Variants in GRK3 observed in about 807,000 individuals in gnomAD.
GRK3 encodes G protein-coupled receptor kinase 3.
GRK3 carries 54 observed loss-of-function variants against 95.7 expected under a neutral mutation model. The observed-to-expected ratio is 0.56, with a 90% CI of 0.45 to 0.71. The LOEUF is 0.71. GRK3 is among the 30% of genes least tolerant of loss of function. The probability of loss-of-function intolerance (pLI) is 0.00; values close to 1 mark genes in which losing one functional copy is unlikely to be tolerated. For synonymous variants in GRK3, 281 were observed against 290.8 expected (o/e 0.97, Z 0.34); for missense variants, 649 against 851.2 (o/e 0.76, Z 2.96).
chr22:25,685,362 C>A, intron 10 of GRK3, 114 bp downstream of exon 10: 2 of 813,728 alleles, frequency 2.5e-6, no homozygotes, highest in Non-Finnish European at 4.2e-6. Flanking sequence ...TAATTAGGTT[C>A]CCCCTGAAGT....
chr22:25,643,407 T>G (rs2084757669), intron 2 of GRK3, among the ~76,000 whole-genome samples: 5 of 152,242 alleles, frequency 3.3e-5, no homozygotes, highest in Admixed American at 3.3e-4. Flanking sequence ...GGGGAATTTA[T>G]GGATCAGTTA....
intron 9 of GRK3, among the ~76,000 whole-genome samples, chr22:25,682,859 C>G (rs534271204): frequency 2.0e-5 from 3 of 152,356 alleles, no homozygotes; most frequent in Admixed American, 2.0e-4. Flanking sequence ...AACTTAACTA[C>G]TACCCAGATT....
intron 8 of GRK3, among the ~76,000 whole-genome samples, chr22:25,677,377 T>TAAAAAAAAAAAAAA (rs376997700): frequency 2.4e-5 from 1 of 42,552 alleles, no homozygotes; most frequent in African/African-American, 1.0e-4. Flanking sequence ...CCCCATATCT[T>TAAAAAAAAAAAAAA]AAAAAAAAAA....
At chr22:25,611,157 C>T (rs564732384) in intron 2 of GRK3, among the ~76,000 whole-genome samples, 17 of 152,256 alleles carry the variant, frequency 1.1e-4, no homozygotes, top group South Asian at 4.1e-4. Flanking sequence ...CCACGGTGTC[C>T]GGCCTACAGA....
chr22:25,600,807 G>A (rs1241325877), intron 1 of GRK3, among the ~76,000 whole-genome samples: 1 of 152,018 alleles, frequency 6.6e-6, no homozygotes, highest in Non-Finnish European at 1.5e-5. Context: ...AATCCTTAAA[G>A]GTAAAAAGAT....
intron 2 of GRK3, among the ~76,000 whole-genome samples, chr22:25,624,303 C>T (rs559907040): frequency 1.3e-5 from 2 of 152,224 alleles, no homozygotes; most frequent in East Asian, 1.9e-4. Flanking sequence ...GTGGCTCACT[C>T]CTGTAATCCC....
At chr22:25,596,015 GA>G (rs1465720898) in intron 1 of GRK3, among the ~76,000 whole-genome samples, 1 of 152,124 alleles carries the variant, frequency 6.6e-6, no homozygotes, top group Non-Finnish European at 1.5e-5. Context: ...CTACTTCAAG[GA>G]AGATGATTAC....
chr22:25,613,412 A>G (rs2084513507), intron 2 of GRK3, among the ~76,000 whole-genome samples: 1 of 144,276 alleles, frequency 6.9e-6, no homozygotes, highest in African/African-American at 2.6e-5. Context: ...TGCATCCATT[A>G]TCCATGCCTT....
chr22:25,631,822 T>C (rs2084666141), intron 2 of GRK3, among the ~76,000 whole-genome samples: 1 of 152,220 alleles, frequency 6.6e-6, no homozygotes. Context: ...GAATGTCTTA[T>C]AAGTGGAATC....
At chr22:25,675,965 C>A (rs1371265826) in intron 8 of GRK3, among the ~76,000 whole-genome samples, 2 of 152,202 alleles carry the variant, frequency 1.3e-5, no homozygotes, top group Non-Finnish European at 2.9e-5. Flanking sequence ...GTTCACCCTC[C>A]ACACTTTCTG....
chr22:25,615,794 T>A (rs1481550684), intron 2 of GRK3, among the ~76,000 whole-genome samples: 15 of 143,322 alleles, frequency 1.0e-4, no homozygotes, highest in Non-Finnish European at 4.5e-5. Context: ...AGGCAGGGAG[T>A]GCTCGTGCAC....
intron 12 of GRK3, among the ~76,000 whole-genome samples, chr22:25,692,184 T>G (rs1478104653): frequency 6.6e-6 from 1 of 152,084 alleles, no homozygotes; most frequent in Non-Finnish European, 1.5e-5. Context: ...CCCAATCTGG[T>G]CTCTAACTCC....
chr22:25,665,985 T>C (rs939350522), intron 5 of GRK3, among the ~76,000 whole-genome samples: 5 of 152,324 alleles, frequency 3.3e-5, no homozygotes, highest in Admixed American at 2.0e-4. Flanking sequence ...TTCTGAATCT[T>C]ACCGAATTCT....
chr22:25,593,812 C>G (rs1415627450), intron 1 of GRK3, among the ~76,000 whole-genome samples: 1 of 152,084 alleles, frequency 6.6e-6, no homozygotes, highest in Non-Finnish European at 1.5e-5. Context: ...CAGTTTCAAT[C>G]TTCTGCATAT....
chr22:25,586,870 G>A (rs559545808), intron 1 of GRK3, among the ~76,000 whole-genome samples: 15 of 152,084 alleles, frequency 9.9e-5, no homozygotes, highest in East Asian at 3.8e-4. Context: ...GGGTTTGGAC[G>A]TTGGGCAAAG....
At chr22:25,607,011 T>A (rs2084454792) in intron 2 of GRK3, among the ~76,000 whole-genome samples, 1 of 152,210 alleles carries the variant, frequency 6.6e-6, no homozygotes, top group South Asian at 2.1e-4. Context: ...GCAAATTGTT[T>A]ATGTTAAAAA....
At chr22:25,596,496 T>A (rs905835167) in intron 1 of GRK3, among the ~76,000 whole-genome samples, 1 of 152,224 alleles carries the variant, frequency 6.6e-6, no homozygotes, top group African/African-American at 2.4e-5. Context: ...GTTAATAAAT[T>A]AGCAATTTCA....
Position 25,705,990 on chromosome 22 carries a change from A to T in GRK3, c.1328+1781A>T, listed in dbSNP as rs2085296690. Among the ~76,000 whole-genome samples the T allele has an allele frequency of 3.9e-5, 6 of 152,042 alleles. No homozygotes were observed. The South Asian group carries it at 1.2e-3, about 32-fold the overall frequency. Reference sequence around the variant, plus strand: ...GAGACTCGTGTTCTTCAGCTTGGAGACCACCCTTTATTTATTTGACATTTA... The same window carrying T: ...GAGACTCGTGTTCTTCAGCTTGGAGTCCACCCTTTATTTATTTGACATTTA... On this transcript the variant is annotated intron_variant, in intron 15 of 20. Coordinates refer to ENST00000324198, the MANE Select transcript of GRK3 (RefSeq NM_005160.4).
rs534143231 is a variant in GRK3, at chr22:25,667,600, C to T, written c.442-139C>T. 109 of 605,578 alleles carry T rather than the reference C, an allele frequency of 1.8e-4. No individual in the cohort carries two copies. In the East Asian group the frequency reaches 2.8e-3, roughly 15 times the overall value. 37.5% of individuals were successfully genotyped at this position (605,578 alleles called of 1,614,324 possible). A position where few individuals can be genotyped will look rare whatever the true frequency, so the allele number is the denominator to read the frequency against. On this transcript the variant is annotated intron_variant, in intron 5 of 20. Coordinates refer to ENST00000324198, the MANE Select transcript of GRK3 (RefSeq NM_005160.4). ...TGCATTAGTGAATATTAGACAAGCA[C>T]GGAGAAGGGCAGGTACCAGACACAA...
Sources: gnomAD v4.1 joint callset for allele counts (sites outside exome capture counted in the v4.1 genomes callset) on GRCh38, gnomAD v4.1.1 for gene constraint, MANE v1.5 for transcripts, NCBI Gene and HGNC (gene_info 2026-07-23, HGNC 2026-07-21) for gene names.